Variants in KLC1 observed in about 807,000 individuals in gnomAD.
The protein encoded by KLC1 is kinesin 2 60/70kDa.
KLC1 carries 30 observed loss-of-function variants against 84.2 expected under a neutral mutation model. That is an observed-to-expected ratio of 0.36 (90% CI 0.27 to 0.48). The LOEUF (loss-of-function observed/expected upper bound fraction) is 0.48, where lower values mean the gene tolerates loss of function less well. Ranked by LOEUF, KLC1 falls within the 20% of genes least tolerant of loss-of-function variation. KLC1 has a pLI of 0.99. For synonymous variants in KLC1, 289 were observed against 293.3 expected (o/e 0.99, Z 0.15); for missense variants, 499 against 805.4 (o/e 0.62, Z 4.60).
In KLC1 at chr14:103,675,697, A is replaced by G. The variant is rs1658236837; in HGVS notation, c.1320A>G (p.Gln440=). The change falls in exon 11 of 17, where the codon CAA becomes CAG. Residue 440 remains glutamine, a synonymous_variant. Coordinates refer to ENST00000334553, the MANE Select transcript of KLC1 (RefSeq NM_001394837.1). ...AEEREECKGK[Q]KDGTSFGEYG... ...TATTTCTTATAATTTAGGGAAAGCAAAAGGATGGGACATCTTTTGGAGAGT... is the reference window on the plus strand; with the variant it reads ...TATTTCTTATAATTTAGGGAAAGCAGAAGGATGGGACATCTTTTGGAGAGT... The G allele has an allele frequency of 6.2e-7, 1 of 1,613,722 alleles. No homozygotes were observed. Among genetic ancestry groups the G allele is most frequent in the Non-Finnish European group, 8.5e-7 (1 of 1,179,728 alleles).
At chr14:103,698,654 T>G in intron 15 of KLC1, 70 of 745,450 alleles carry the variant, frequency 9.4e-5, no homozygotes, top group Middle Eastern at 3.7e-4. Context: ...CATCTTCGGA[T>G]GAGAAAGTGG....
intron 1 of KLC1, among the ~76,000 whole-genome samples, chr14:103,644,747 A>G (rs1018699376): frequency 1.4e-4 from 22 of 152,290 alleles, no homozygotes; most frequent in East Asian, 5.8e-4. Flanking sequence ...AGAAAAGAGA[A>G]GAGAAGAAAA....
chr14:103,657,746 A>G lies in KLC1; in HGVS notation c.462A>G (p.Leu154=), dbSNP rs765215342. ...AGCATCTGGAGTTTATGAATCAGCT[A>G]AAAAAATATGATGACGACATTTCCC... ...EKKHLEFMNQ[L]KKYDDDISPS... is the part of the protein sequence containing the mutation. Residue 154 remains leucine, a synonymous_variant, in exon 3 of 17, where the codon CTA becomes CTG. Coordinates refer to ENST00000334553, the MANE Select transcript of KLC1 (RefSeq NM_001394837.1). The G allele has an allele frequency of 3.1e-6, 5 of 1,613,534 alleles. No homozygotes were observed. The Admixed American group carries it at 5.0e-5, about 16-fold the overall frequency.
chr14:103,673,707 A>G (rs535958990), intron 9 of KLC1, among the ~76,000 whole-genome samples: 1 of 152,214 alleles, frequency 6.6e-6, no homozygotes, highest in Non-Finnish European at 1.5e-5. Context: ...GTGGATCACG[A>G]GGTCAGGCGA....
At chr14:103,657,805 T>C (rs748692684) in intron 3 of KLC1, 29 bp downstream of exon 3, 1 of 1,526,598 alleles carries the variant, frequency 6.6e-7, no homozygotes, top group South Asian at 1.1e-5. Flanking sequence ...AATGTGGTGC[T>C]AATGTTTAAA....
At chr14:103,677,762 C>T (rs1203780366) in intron 12 of KLC1, among the ~76,000 whole-genome samples, 1 of 151,788 alleles carries the variant, frequency 6.6e-6, no homozygotes, top group Non-Finnish European at 1.5e-5. Flanking sequence ...AGTTCAAGAC[C>T]AGCCTGGCCA....
chr14:103,685,777 C>T, intron 13 of KLC1: 1 of 1,252,820 alleles, frequency 8.0e-7, no homozygotes, highest in Non-Finnish European at 1.0e-6. Flanking sequence ...TGTGAACTGG[C>T]CATTCCTTTC....
intron 13 of KLC1, chr14:103,682,938 A>G (rs902605785): frequency 1.3e-5 from 2 of 152,048 alleles, no homozygotes; most frequent in African/African-American, 4.8e-5. Context: ...GAAAACTACT[A>G]CCATAGGGAA....
chr14:103,662,081 G>A, intron 3 of KLC1, 35 bp from the exon 4 acceptor site: 1 of 1,456,818 alleles, frequency 6.9e-7, no homozygotes, highest in Non-Finnish European at 9.6e-7. Flanking sequence ...TATAGCACGT[G>A]TAAGATGAAG....
intron 8 of KLC1, 64 bp from the exon 9 acceptor site, chr14:103,673,268 A>G: frequency 6.4e-7 from 1 of 1,553,918 alleles, no homozygotes; most frequent in Non-Finnish European, 8.7e-7. Flanking sequence ...TTAACTGGAG[A>G]TTAAAATGTA....
At position 103,679,634 on chromosome 14, in the gene KLC1, T is replaced by C. The variant is rs3736911; in HGVS notation, c.1650+89T>C. On this transcript the variant is annotated intron_variant, in intron 13 of 16. Transcript: ENST00000334553. ...TTCCTCCTGTCTCATGTGCTAGACC[T>C]TCTGCTTTTCTCAAATTAAGTGCCA... 1.1e-3 allele frequency: 1,031 copies of C among 911,764 alleles called. 9 individuals carry two copies. In the East Asian group the frequency reaches 0.018, roughly 16 times the overall value. 56.5% of individuals were successfully genotyped at this position (911,764 alleles called of 1,614,324 possible).
Position 103,695,415 on chromosome 14 carries a change from C to T in KLC1, c.1848+2990C>T, listed in dbSNP as rs539225841. 403 of 983,578 alleles carry T rather than the reference C, an allele frequency of 4.1e-4. 6 individuals carry two copies. In the East Asian group the frequency reaches 0.021, roughly 52 times the overall value. The allele number at this position is 983,578 out of a possible 1,614,324, so 60.9% of individuals were successfully genotyped here. The stretch of plus-strand genomic sequence containing the variant: ...TGGGTTGTGAGAAGCCAACCCCCCC[C>T]AAAAAAAGGGGGGTGTAGAGCAGCT... On this transcript the variant is annotated intron_variant, in intron 15 of 16. Coordinates refer to ENST00000334553, the MANE Select transcript of KLC1 (RefSeq NM_001394837.1).
intron 14 of KLC1, among the ~76,000 whole-genome samples, chr14:103,691,865 G>A (rs1161643247): frequency 6.6e-6 from 1 of 151,956 alleles, no homozygotes; most frequent in Non-Finnish European, 1.5e-5. Flanking sequence ...TTGACCACCT[G>A]GGCTCAAGTG....
intron 13 of KLC1, among the ~76,000 whole-genome samples, chr14:103,680,784 G>T (rs911571867): frequency 9.2e-5 from 14 of 152,214 alleles, no homozygotes; most frequent in African/African-American, 3.4e-4. Context: ...GCTTCGTATA[G>T]AAGGACAAGT....
chr14:103,631,868 G>A (rs1036342767), intron 1 of KLC1, among the ~76,000 whole-genome samples: 3 of 152,116 alleles, frequency 2.0e-5, no homozygotes, highest in Non-Finnish European at 4.4e-5. Flanking sequence ...CAAAGTGCTA[G>A]GGTTACAGGT....
At chr14:103,677,045 G>A (rs2080956753) in intron 11 of KLC1, among the ~76,000 whole-genome samples, 1 of 152,214 alleles carries the variant, frequency 6.6e-6, no homozygotes, top group South Asian at 2.1e-4. Context: ...TCAGAGCACT[G>A]TTCGTCGTTA....
At chr14:103,632,589 C>T (rs746993886) in intron 1 of KLC1, among the ~76,000 whole-genome samples, 1 of 151,750 alleles carries the variant, frequency 6.6e-6, no homozygotes, top group Non-Finnish European at 1.5e-5. Flanking sequence ...GGTGTGGTGG[C>T]GGGTGCCTCT....
chr14:103,658,570 C>G, intron 3 of KLC1, among the ~76,000 whole-genome samples: 1 of 151,560 alleles, frequency 6.6e-6, no homozygotes, highest in Non-Finnish European at 1.5e-5. Context: ...CCACCATGCC[C>G]AGCCTTCTTT....
intron 5 of KLC1, among the ~76,000 whole-genome samples, chr14:103,669,152 T>C (rs1203439104): frequency 2.6e-5 from 4 of 151,784 alleles, no homozygotes; most frequent in Admixed American, 2.6e-4. Flanking sequence ...AAAGCTGTAG[T>C]GAGGCCGGGC....
Sources: gnomAD v4.1 joint callset for allele counts (sites outside exome capture counted in the v4.1 genomes callset) on GRCh38, gnomAD v4.1.1 for gene constraint, MANE v1.5 for transcripts, NCBI Gene and HGNC (gene_info 2026-07-23, HGNC 2026-07-21) for gene names.